THADA: variants seen among roughly 807,000 people sequenced by gnomAD.
THADA encodes tRNA (32-2'-O)-methyltransferase regulator THADA.
A neutral mutation model predicts 219.8 loss-of-function variants in THADA; 213 were observed. The ratio of observed to expected loss-of-function variants is 0.97; its 90% CI spans 0.87 to 1.09. The LOEUF (loss-of-function observed/expected upper bound fraction) is 1.09, where lower values mean the gene tolerates loss of function less well. Among genes scored for constraint, THADA ranks in the 50% least tolerant of loss-of-function variants. The pLI is 0.00. For missense variants in THADA, 2,956 were observed against 2,311.3 expected (o/e 1.28, Z -5.72); for synonymous variants, 1,018 against 828.9 (o/e 1.23, Z -3.92).
chr2:43,352,440 C>A (rs1171009240), intron 29 of THADA, among the ~76,000 whole-genome samples: 2 of 152,026 alleles, frequency 1.3e-5, no homozygotes, highest in Non-Finnish European at 2.9e-5. Context: ...TGCCTGTAAT[C>A]TCAGCTACTT....
At chr2:43,586,570 A>C (rs1314655927) in intron 6 of THADA, 121 bp from the exon 7 acceptor site, 3 of 1,319,702 alleles carry the variant, frequency 2.3e-6, no homozygotes, top group African/African-American at 1.5e-5. Flanking sequence ...CAAAAATTTA[A>C]AAGGAAGGGT....
chr2:43,398,222 T>G, intron 28 of THADA, 83 bp from the exon 29 acceptor site: 2 of 1,449,280 alleles, frequency 1.4e-6, no homozygotes, highest in Non-Finnish European at 1.9e-6. Context: ...CTATCTAGCA[T>G]GGCCTGGAAC....
At chr2:43,493,200 C>G (rs1014398821) in intron 25 of THADA, among the ~76,000 whole-genome samples, 1 of 152,104 alleles carries the variant, frequency 6.6e-6, no homozygotes, top group Non-Finnish European at 1.5e-5. Context: ...TAAATATACA[C>G]CAGATAAAAA....
At chr2:43,309,214 T>C (rs1191358467) in intron 31 of THADA, among the ~76,000 whole-genome samples, 1 of 152,230 alleles carries the variant, frequency 6.6e-6, no homozygotes, top group Non-Finnish European at 1.5e-5. Flanking sequence ...CATGAAAAGA[T>C]GCTCAACATT....
chr2:43,293,112 G>A lies in THADA; in HGVS notation c.4540C>T (p.Gln1514Ter), dbSNP rs1481587503. ...PWAFKVPGLP[Q>*]YLQSLTRLAI... ...AGTCTGGTGAGGCTCTGGAGGTACT[G>A]GGGCAGGCCTGGCACCTTGAAGGCC... The change falls in exon 32 of 38, where the codon CAG becomes TAG. Residue 1514 changes from glutamine (Q) to a stop codon, truncating the protein, a stop_gained. Coordinates refer to ENST00000405975, the MANE Select transcript of THADA (RefSeq NM_022065.5). LOFTEE classifies it high-confidence loss of function. The A allele has an allele frequency of 6.2e-7, 1 of 1,613,870 alleles. No homozygotes were observed. The highest frequency in any genetic ancestry group is 8.5e-7 in the Non-Finnish European group (1 of 1,179,902).
At chr2:43,238,520 A>G (rs943004560) in intron 36 of THADA, among the ~76,000 whole-genome samples, 1 of 152,170 alleles carries the variant, frequency 6.6e-6, no homozygotes, top group African/African-American at 2.4e-5. Flanking sequence ...TTTTAGTGGG[A>G]GTGTAAAATG....
At chr2:43,506,347 G>A (rs532002786) in intron 23 of THADA, among the ~76,000 whole-genome samples, 5 of 152,266 alleles carry the variant, frequency 3.3e-5, no homozygotes, top group South Asian at 2.1e-4. Context: ...ACACTTTGCC[G>A]ATGTCCAATA....
intron 29 of THADA, among the ~76,000 whole-genome samples, chr2:43,357,429 T>A (rs1668991305): frequency 6.6e-6 from 1 of 152,220 alleles, no homozygotes; most frequent in Non-Finnish European, 1.5e-5. Context: ...TGGTACCCAA[T>A]GGAGTTGGGC....
At chr2:43,570,914 C>CT (rs1699221875) in intron 13 of THADA, among the ~76,000 whole-genome samples, 3 of 151,942 alleles carry the variant, frequency 2.0e-5, no homozygotes, top group Admixed American at 6.6e-5. Flanking sequence ...CAGCATTAGA[C>CT]TTTTTCTTTA....
intron 17 of THADA, among the ~76,000 whole-genome samples, chr2:43,555,423 C>A (rs1371145464): frequency 6.6e-6 from 1 of 150,424 alleles, no homozygotes; most frequent in Non-Finnish European, 1.5e-5. Context: ...TTTTTTAAGC[C>A]GTCTATATTT....
At chr2:43,400,467 A>G (rs1198433202) in intron 28 of THADA, among the ~76,000 whole-genome samples, 1 of 143,216 alleles carries the variant, frequency 7.0e-6, no homozygotes, top group Non-Finnish European at 1.5e-5. Context: ...TTATATATAT[A>G]TATATATATA....
chr2:43,281,310 CCTTT>C (rs1673327695), intron 35 of THADA, among the ~76,000 whole-genome samples: 2 of 152,172 alleles, frequency 1.3e-5, no homozygotes, highest in Admixed American at 6.5e-5. Context: ...TCAATACCTT[CCTTT>C]CTTAATATTT....
At chr2:43,348,244 C>T (rs991985018) in intron 29 of THADA, among the ~76,000 whole-genome samples, 2 of 152,188 alleles carry the variant, frequency 1.3e-5, no homozygotes, top group African/African-American at 2.4e-5. Flanking sequence ...GTCACCTGGC[C>T]GGAGCTGAGC....
chr2:43,309,322 G>C (rs1012070543), intron 31 of THADA, among the ~76,000 whole-genome samples: 1 of 152,170 alleles, frequency 6.6e-6, no homozygotes, highest in Non-Finnish European at 1.5e-5. Context: ...ATATGATCCA[G>C]TAACCCCTTT....
At chr2:43,488,262 T>C (rs1290290176) in intron 25 of THADA, among the ~76,000 whole-genome samples, 1 of 152,236 alleles carries the variant, frequency 6.6e-6, no homozygotes, top group Non-Finnish European at 1.5e-5. Flanking sequence ...TAACAAAGTG[T>C]GAAGCTATCA....
At chr2:43,569,768 T>C (rs922444279) in intron 14 of THADA, among the ~76,000 whole-genome samples, 1 of 152,152 alleles carries the variant, frequency 6.6e-6, no homozygotes, top group African/African-American at 2.4e-5. Context: ...AGGGTCTGCT[T>C]CTCAAAGGCT....
At chr2:43,359,630 A>C (rs368103808) in intron 29 of THADA, among the ~76,000 whole-genome samples, 1 of 152,218 alleles carries the variant, frequency 6.6e-6, no homozygotes, top group African/African-American at 2.4e-5. Context: ...CAGTGAGCGA[A>C]GATTGCGCCA....
chr2:43,423,833 G>T (rs1032535653), intron 28 of THADA, among the ~76,000 whole-genome samples: 1 of 152,078 alleles, frequency 6.6e-6, no homozygotes, highest in East Asian at 1.9e-4. Context: ...TATGCCCAGG[G>T]ACTTTTTGGC....
intron 21 of THADA, among the ~76,000 whole-genome samples, chr2:43,534,389 T>A (rs950220802): frequency 2.6e-5 from 4 of 152,160 alleles, no homozygotes; most frequent in African/African-American, 9.7e-5. Flanking sequence ...TTGCAAACTA[T>A]AGTCATCCTA....
Sources: allele counts gnomAD v4.1 joint callset (sites outside exome capture counted in the v4.1 genomes callset), GRCh38; gene constraint gnomAD v4.1.1; transcripts MANE v1.5; gene names NCBI Gene and HGNC (gene_info 2026-07-23, HGNC 2026-07-21).